The following PDE1A variants were observed in gnomAD, a reference collection of about 807,000 sequenced individuals.
PDE1A encodes dual specificity calcium/calmodulin-dependent 3',5'-cyclic nucleotide phosphodiesterase 1A.
PDE1A carries 35 observed loss-of-function variants against 61.7 expected under a neutral mutation model. That is an observed-to-expected ratio of 0.57 (90% CI 0.43 to 0.75). The LOEUF (loss-of-function observed/expected upper bound fraction) is 0.75, where lower values mean the gene tolerates loss of function less well. Among genes scored for constraint, PDE1A ranks in the 30% least tolerant of loss-of-function variants. The pLI is 0.00. For synonymous variants in PDE1A, 232 were observed against 213.2 expected (o/e 1.09, Z -0.77); for missense variants, 597 against 630.6 (o/e 0.95, Z 0.57).
At chr2:182,339,532 A>C (rs538877562) in intron 1 of PDE1A, among the ~76,000 whole-genome samples, 1 of 152,338 alleles carries the variant, frequency 6.6e-6, no homozygotes, top group African/African-American at 2.4e-5. Context: ...TCATCAGAAC[A>C]TAACTGCTTT....
At chr2:182,606,925 A>G in the PDE1A span, among the ~76,000 whole-genome samples, 1 of 152,204 alleles carries the variant, frequency 6.6e-6, no homozygotes, top group Admixed American at 6.5e-5. Context: ...CCAGTCACTG[A>G]GACAATAAGT....
chr2:182,356,949 C>T (rs1229365551), intron 1 of PDE1A, among the ~76,000 whole-genome samples: 1 of 152,060 alleles, frequency 6.6e-6, no homozygotes, highest in Non-Finnish European at 1.5e-5. Flanking sequence ...CCAAACACAG[C>T]ATGTTCTCAC....
chr2:182,389,913 C>T (rs1345972754), intron 1 of PDE1A, among the ~76,000 whole-genome samples: 1 of 152,150 alleles, frequency 6.6e-6, no homozygotes, highest in African/African-American at 2.4e-5. Flanking sequence ...TATCGGACTC[C>T]AAGTTCTTCA....
intron 6 of PDE1A, among the ~76,000 whole-genome samples, chr2:182,226,025 T>C (rs943324579): frequency 4.7e-5 from 7 of 149,760 alleles, no homozygotes; most frequent in African/African-American, 1.8e-4. Flanking sequence ...CTAAACACCA[T>C]GAAATGAATA....
chr2:182,282,461 T>A (rs1467060405), intron 1 of PDE1A, among the ~76,000 whole-genome samples: 2 of 151,984 alleles, frequency 1.3e-5, no homozygotes, highest in African/African-American at 4.8e-5. Context: ...AGTTCATAGG[T>A]GTCATTGTTA....
the PDE1A span, among the ~76,000 whole-genome samples, chr2:182,689,740 G>A: frequency 6.6e-6 from 1 of 152,174 alleles, no homozygotes. Context: ...GAATCCAGTA[G>A]CTGGTTTTTT....
At chr2:182,528,082 A>G (rs1012841516), upstream of PDE1A, among the ~76,000 whole-genome samples, 31 of 152,138 alleles carry the variant, frequency 2.0e-4, no homozygotes, top group African/African-American at 7.5e-4. Flanking sequence ...AAGATACTCA[A>G]AAAGTGAAAG....
At chr2:182,361,272 G>A (rs1259560160) in intron 1 of PDE1A, among the ~76,000 whole-genome samples, 2 of 152,082 alleles carry the variant, frequency 1.3e-5, no homozygotes, top group Non-Finnish European at 2.9e-5. Flanking sequence ...TATACGTAAT[G>A]CATAGTGATC....
intron 13 of PDE1A, among the ~76,000 whole-genome samples, chr2:182,162,816 C>G (rs1407818717): frequency 6.6e-6 from 1 of 152,014 alleles, no homozygotes; most frequent in Non-Finnish European, 1.5e-5. Context: ...GTCCAGTGGT[C>G]CCCGAACCCA....
intron 1 of PDE1A, among the ~76,000 whole-genome samples, chr2:182,286,927 G>A (rs1694203733): frequency 6.6e-6 from 1 of 152,060 alleles, no homozygotes; most frequent in African/African-American, 2.4e-5. Context: ...AGAAGCCAGA[G>A]TTTTGTTTGT....
intron 1 of PDE1A, among the ~76,000 whole-genome samples, chr2:182,312,897 G>A (rs1176022393): frequency 6.6e-6 from 1 of 150,830 alleles, no homozygotes; most frequent in Non-Finnish European, 1.5e-5. Context: ...GAACAATTTA[G>A]TGTGAACTGA....
At chr2:182,320,193 C>T (rs1467019981) in intron 1 of PDE1A, among the ~76,000 whole-genome samples, 1 of 152,140 alleles carries the variant, frequency 6.6e-6, no homozygotes, top group Non-Finnish European at 1.5e-5. Context: ...ACAACATAAG[C>T]TCAATATAGG....
At chr2:182,712,840 G>A in the PDE1A span, among the ~76,000 whole-genome samples, 1 of 152,076 alleles carries the variant, frequency 6.6e-6, no homozygotes, top group Non-Finnish European at 1.5e-5. Flanking sequence ...ACAGGTATGA[G>A]CCACCGCGCC....
chr2:182,295,469 C>T (rs1460863984), intron 1 of PDE1A, among the ~76,000 whole-genome samples: 2 of 152,162 alleles, frequency 1.3e-5, no homozygotes, highest in East Asian at 3.9e-4. Flanking sequence ...CTCTTAAAGT[C>T]ACATCAATGG....
upstream of PDE1A, among the ~76,000 whole-genome samples, chr2:182,527,327 A>T (rs865895834): frequency 0.037 from 739 of 20,214 alleles, 11 homozygotes; most frequent in East Asian, 0.08. Context: ...AAAAAAAAAA[A>T]ATATATATAT....
intron 2 of PDE1A, among the ~76,000 whole-genome samples, chr2:182,479,999 T>C (rs899810473): frequency 2.0e-5 from 3 of 151,874 alleles, no homozygotes; most frequent in East Asian, 3.9e-4. Context: ...TACCAATTAC[T>C]TTCCTCTCTC....
chr2:182,604,855 T>G, the PDE1A span, among the ~76,000 whole-genome samples: 1 of 152,192 alleles, frequency 6.6e-6, no homozygotes, highest in African/African-American at 2.4e-5. Flanking sequence ...ATAAAAGATT[T>G]ACCAAGTGTT....
At chr2:182,204,279 C>T (rs896667068) in intron 8 of PDE1A, among the ~76,000 whole-genome samples, 3 of 152,212 alleles carry the variant, frequency 2.0e-5, no homozygotes, top group African/African-American at 7.2e-5. Context: ...CTTTGCCCAT[C>T]TAATCGCTAC....
At chr2:182,676,322 G>T in the PDE1A span, among the ~76,000 whole-genome samples, 1 of 152,012 alleles carries the variant, frequency 6.6e-6, no homozygotes, top group Admixed American at 6.5e-5. Flanking sequence ...AGGTGAGATG[G>T]ATAGATTTCT....
Sources: allele counts gnomAD v4.1 joint callset (sites outside exome capture counted in the v4.1 genomes callset), GRCh38; gene constraint gnomAD v4.1.1; transcripts MANE v1.5; gene names NCBI Gene and HGNC (gene_info 2026-07-23, HGNC 2026-07-21).